NLRP2B: variants seen among roughly 807,000 people sequenced by gnomAD.
NLRP2B encodes the protein NLR family pyrin domain-containing protein 2B.
For missense variants in NLRP2B, 25 were observed against 6.8 expected (o/e 3.70, Z -3.00); for synonymous variants, 16 against 3.5 (o/e 4.63, Z -4.03).
At position 57,677,122 on chromosome X, in the gene NLRP2B, C is replaced by A; in HGVS notation, c.*3001G>T. 2 of 288,789 alleles carry A rather than the reference C, an allele frequency of 6.9e-6. No individual in the cohort carries two copies. Among genetic ancestry groups the A allele is most frequent in the Non-Finnish European group, 1.3e-5 (2 of 151,754 alleles). 23.8% of individuals were successfully genotyped at this position (288,789 alleles called of 1,213,427 possible). ...TTCCCCCCCAAAGGATCATGTTTCT[C>A]AGTTATCAGCAGGCAGTTGTGGGTT... On this transcript the variant is annotated 3_prime_UTR_variant, in exon 1 of 1. Transcript: ENST00000434992.
Position 57,679,485 on chromosome X carries a change from C to T in NLRP2B, c.*638G>A. 1 of 918,029 alleles carries T rather than the reference C, an allele frequency of 1.1e-6. No homozygotes were observed. Among genetic ancestry groups the T allele is most frequent in the East Asian group, 3.1e-5 (1 of 32,112 alleles). 75.7% of individuals were successfully genotyped at this position (918,029 alleles called of 1,213,427 possible). ...ATTCAGGCCAGTTCCTGAAGACCAG[C>T]TCTGCAAAACTGCACGGGCCCAGGC... On this transcript the variant is annotated 3_prime_UTR_variant, in exon 1 of 1. Coordinates refer to ENST00000434992, the MANE Select transcript of NLRP2B (RefSeq NM_001319967.1).
Position 57,677,718 on chromosome X carries a change from T to G in NLRP2B, c.*2405A>C. The G allele has an allele frequency of 2.6e-6, 1 of 381,474 alleles. No homozygotes were observed. The highest frequency in any genetic ancestry group is 5.0e-6 in the Non-Finnish European group (1 of 199,156). The allele number at this position is 381,474 out of a possible 1,213,427, so 31.4% of individuals were successfully genotyped here. A position where few individuals can be genotyped will look rare whatever the true frequency, so the allele number is the denominator to read the frequency against. The stretch of plus-strand genomic sequence containing the variant: ...AATTGCCTTCTATAAAGTGACAGTT[T>G]TCCAACAACAACCTCGGCAGGAAGC... On this transcript the variant is annotated 3_prime_UTR_variant, in exon 1 of 1. Transcript: ENST00000434992.
At position 57,678,148 on chromosome X, in the gene NLRP2B, T is replaced by C; in HGVS notation, c.*1975A>G. ...GGCACCAAGAAAGCTATTATTGATT[T>C]CTAGAATGATCAGATCCTTATTTGA... On this transcript the variant is annotated 3_prime_UTR_variant, in exon 1 of 1. Transcript: ENST00000434992. 2.1e-6 allele frequency: 1 copy of C among 487,353 alleles called. No homozygotes were observed. The highest frequency in any genetic ancestry group is 2.7e-5 in the Admixed American group (1 of 37,229). The allele number at this position is 487,353 out of a possible 1,213,427, so 40.2% of individuals were successfully genotyped here.
Position 57,678,141 on chromosome X carries a change from A to G in NLRP2B, c.*1982T>C. On this transcript the variant is annotated 3_prime_UTR_variant, in exon 1 of 1. Coordinates refer to ENST00000434992, the MANE Select transcript of NLRP2B (RefSeq NM_001319967.1). ...CTAATGTGGCACCAAGAAAGCTATTATTGATTTCTAGAATGATCAGATCCT... is the reference window on the plus strand; with the variant it reads ...CTAATGTGGCACCAAGAAAGCTATTGTTGATTTCTAGAATGATCAGATCCT... 2.1e-6 allele frequency: 1 copy of G among 480,794 alleles called. No individual in the cohort carries two copies. The highest frequency in any genetic ancestry group is 2.8e-5 in the South Asian group (1 of 35,227). 39.6% of individuals were successfully genotyped at this position (480,794 alleles called of 1,213,427 possible).
rs2011759104 is a variant in NLRP2B at position 57,680,103 on chromosome X, T to A, written c.*20A>T. The A allele has an allele frequency of 6.6e-6, 3 of 457,420 alleles. No homozygotes were observed. Among genetic ancestry groups the A allele is most frequent in the Non-Finnish European group, 1.2e-5 (3 of 254,480 alleles). The allele number at this position is 457,420 out of a possible 1,213,427, so 37.7% of individuals were successfully genotyped here. A position where few individuals can be genotyped will look rare whatever the true frequency, so the allele number is the denominator to read the frequency against. ...GCTGGTGATGATTTCTGCCAGTTGC[T>A]TCCCATCAGCCTTGTCTACCTATGT... On this transcript the variant is annotated 3_prime_UTR_variant, in exon 1 of 1. Coordinates refer to ENST00000434992, the MANE Select transcript of NLRP2B (RefSeq NM_001319967.1).
At position 57,679,781 on chromosome X, in the gene NLRP2B, T is replaced by A; in HGVS notation, c.*342A>T. 3.0e-6 allele frequency: 1 copy of A among 331,803 alleles called. No homozygotes were observed. Among genetic ancestry groups the A allele is most frequent in the East Asian group, 4.7e-5 (1 of 21,355 alleles). The allele number at this position is 331,803 out of a possible 1,213,427, so 27.3% of individuals were successfully genotyped here. ...TGCCAGAACTTCGTCTTCAATATAC[T>A]CCTGTACCTATCCTCTTTACCTGGC... On this transcript the variant is annotated 3_prime_UTR_variant, in exon 1 of 1. Transcript: ENST00000434992.
At position 57,678,292 on chromosome X, in the gene NLRP2B, G is replaced by A; in HGVS notation, c.*1831C>T. 1.9e-6 allele frequency: 1 copy of A among 540,540 alleles called. No homozygotes were observed. The highest frequency in any genetic ancestry group is 3.4e-6 in the Non-Finnish European group (1 of 292,534). 44.5% of individuals were successfully genotyped at this position (540,540 alleles called of 1,213,427 possible). A position where few individuals can be genotyped will look rare whatever the true frequency, so the allele number is the denominator to read the frequency against. On this transcript the variant is annotated 3_prime_UTR_variant, in exon 1 of 1. Transcript: ENST00000434992. ...ATTCTCTGGGAGCTTTGCCTTTGCT[G>A]CCTGCAGTGGCATTTTCTGCAAGTT...
At position 57,677,611 on chromosome X, in the gene NLRP2B, G is replaced by A; in HGVS notation, c.*2512C>T. On this transcript the variant is annotated 3_prime_UTR_variant, in exon 1 of 1. Coordinates refer to ENST00000434992, the MANE Select transcript of NLRP2B (RefSeq NM_001319967.1). ...ACCCTTACACAGAAACATCACCCAT[G>A]TATCCCCGAGTGGGGGGTTCTTGGC... 3.3e-6 allele frequency: 1 copy of A among 302,464 alleles called. No homozygotes were observed. Among genetic ancestry groups the A allele is most frequent in the South Asian group, 3.8e-5 (1 of 26,416 alleles). 24.9% of individuals were successfully genotyped at this position (302,464 alleles called of 1,213,427 possible).
Position 57,678,591 on chromosome X carries a change from G to A in NLRP2B, c.*1532C>T, listed in dbSNP as rs181020360. On this transcript the variant is annotated 3_prime_UTR_variant, in exon 1 of 1. Coordinates refer to ENST00000434992, the MANE Select transcript of NLRP2B (RefSeq NM_001319967.1). ...TGGCTTTCTTCTCGTTGGCGAAGCC[G>A]AATAAGAAGTGTCTTGCTTGGATCA... 1.6e-4 allele frequency: 77 copies of A among 480,573 alleles called. No homozygotes were observed. The highest frequency in any genetic ancestry group is 3.7e-4 in the East Asian group (10 of 26,892). The allele number at this position is 480,573 out of a possible 1,213,427, so 39.6% of individuals were successfully genotyped here. A position where few individuals can be genotyped will look rare whatever the true frequency, so the allele number is the denominator to read the frequency against.
In NLRP2B at chrX:57,677,798, C is replaced by T; in HGVS notation, c.*2325G>A. 1 of 445,956 alleles carries T rather than the reference C, an allele frequency of 2.2e-6. No individual in the cohort carries two copies. Among genetic ancestry groups the T allele is most frequent in the South Asian group, 2.5e-5 (1 of 40,318 alleles). 36.8% of individuals were successfully genotyped at this position (445,956 alleles called of 1,213,427 possible). A position where few individuals can be genotyped will look rare whatever the true frequency, so the allele number is the denominator to read the frequency against. ...AACTTGGCACCCTCATCCAAGAGCTCATTGTGAGAGAGGTTTACACATGTC... is the reference window on the plus strand; with the variant it reads ...AACTTGGCACCCTCATCCAAGAGCTTATTGTGAGAGAGGTTTACACATGTC... On this transcript the variant is annotated 3_prime_UTR_variant, in exon 1 of 1. Coordinates refer to ENST00000434992, the MANE Select transcript of NLRP2B (RefSeq NM_001319967.1).
rs896838520 is a variant in NLRP2B at position 57,677,571 on chromosome X, A to T, written c.*2552T>A. On this transcript the variant is annotated 3_prime_UTR_variant, in exon 1 of 1. Coordinates refer to ENST00000434992, the MANE Select transcript of NLRP2B (RefSeq NM_001319967.1). ...ACAGCACCAGGGTCTGTAGTTTACA[A>T]TGGGGGTAACTCAAACCCTTACACA... 4 of 305,035 alleles carry T rather than the reference A, an allele frequency of 1.3e-5. No individual in the cohort carries two copies. Among genetic ancestry groups the T allele is most frequent in the Admixed American group, 8.2e-5 (2 of 24,476 alleles). The allele number at this position is 305,035 out of a possible 1,213,427, so 25.1% of individuals were successfully genotyped here.
chrX:57,677,586 A>G lies in NLRP2B; in HGVS notation c.*2537T>C, dbSNP rs1448931401. 2 of 294,459 alleles carry G rather than the reference A, an allele frequency of 6.8e-6. No individual in the cohort carries two copies. Among genetic ancestry groups the G allele is most frequent in the Middle Eastern group, 5.7e-4 (1 of 1,765 alleles). The allele number at this position is 294,459 out of a possible 1,213,427, so 24.3% of individuals were successfully genotyped here. A position where few individuals can be genotyped will look rare whatever the true frequency, so the allele number is the denominator to read the frequency against. On this transcript the variant is annotated 3_prime_UTR_variant, in exon 1 of 1. Coordinates refer to ENST00000434992, the MANE Select transcript of NLRP2B (RefSeq NM_001319967.1). ...GTAGTTTACAATGGGGGTAACTCAA[A>G]CCCTTACACAGAAACATCACCCATG...
rs1007264495 is a variant in NLRP2B, at chrX:57,679,265, C to A, written c.*858G>T. 4.3e-6 allele frequency: 2 copies of A among 463,394 alleles called. No homozygotes were observed. 38.2% of individuals were successfully genotyped at this position (463,394 alleles called of 1,213,427 possible). ...TCAGGGCCCGCAGGCCACGTGGTGA[C>A]CAGCACGGCGGCCCTGGGTAAAATC... On this transcript the variant is annotated 3_prime_UTR_variant, in exon 1 of 1. Coordinates refer to ENST00000434992, the MANE Select transcript of NLRP2B (RefSeq NM_001319967.1).
rs986460612 is a variant in NLRP2B, at chrX:57,679,117, C to T, written c.*1006G>A. ...AGGGCCGCGTTTCTTCTCATCAGCT[C>T]AAAGGCACACATGGCTTGGTCCTCG... is the stretch of plus-strand genomic sequence containing the variant. On this transcript the variant is annotated 3_prime_UTR_variant, in exon 1 of 1. Transcript: ENST00000434992. The T allele has an allele frequency of 3.7e-5, 17 of 460,785 alleles. No homozygotes were observed. Among genetic ancestry groups the T allele is most frequent in the Admixed American group, 3.1e-4 (12 of 38,747 alleles). The allele number at this position is 460,785 out of a possible 1,213,427, so 38.0% of individuals were successfully genotyped here. A position where few individuals can be genotyped will look rare whatever the true frequency, so the allele number is the denominator to read the frequency against.
Position 57,680,098 on chromosome X carries a change from G to C in NLRP2B, c.*25C>G, listed in dbSNP as rs943727704. ...CAATGGCTGGTGATGATTTCTGCCA[G>C]TTGCTTCCCATCAGCCTTGTCTACC... On this transcript the variant is annotated 3_prime_UTR_variant, in exon 1 of 1. Transcript: ENST00000434992. 1.3e-5 allele frequency: 6 copies of C among 448,296 alleles called. No homozygotes were observed. The highest frequency in any genetic ancestry group is 7.1e-4 in the Middle Eastern group (2 of 2,805). 36.9% of individuals were successfully genotyped at this position (448,296 alleles called of 1,213,427 possible). A position where few individuals can be genotyped will look rare whatever the true frequency, so the allele number is the denominator to read the frequency against.
chrX:57,679,407 C>A lies in NLRP2B; in HGVS notation c.*716G>T. ...CTCCCAGCTCATCAAAGCCGTCGAC[C>A]ACGAACAGGATTTTCTGTGCTTGGG... On this transcript the variant is annotated 3_prime_UTR_variant, in exon 1 of 1. Coordinates refer to ENST00000434992, the MANE Select transcript of NLRP2B (RefSeq NM_001319967.1). 2.2e-6 allele frequency: 2 copies of A among 909,896 alleles called. No homozygotes were observed. Among genetic ancestry groups the A allele is most frequent in the Non-Finnish European group, 3.2e-6 (2 of 625,043 alleles). 75.0% of individuals were successfully genotyped at this position (909,896 alleles called of 1,213,427 possible). A position where few individuals can be genotyped will look rare whatever the true frequency, so the allele number is the denominator to read the frequency against.
Position 57,680,187 on chromosome X carries a change from T to A in NLRP2B, c.74A>T (p.Lys25Met), listed in dbSNP as rs1305563172. Residue 25 changes from lysine (K) to methionine (M), a missense_variant, in exon 1 of 1, where the codon AAG becomes ATG. Lys to Met is a moderately conservative substitution (Grantham distance 95). Coordinates refer to ENST00000434992, the MANE Select transcript of NLRP2B (RefSeq NM_001319967.1). ...LGQLSQDDLC[K>M]FKSLIRTVSL... Reference sequence around the variant, plus strand: ...GACGGTCCTGATCAGAGACTTGAACTTGCACAAGTCATCCTGGCTGAGCTG... The same window carrying A: ...GACGGTCCTGATCAGAGACTTGAACATGCACAAGTCATCCTGGCTGAGCTG... 1.3e-5 allele frequency: 5 copies of A among 392,899 alleles called. No individual in the cohort carries two copies. In the African/African-American group the frequency reaches 1.3e-4, roughly 10 times the overall value. 32.4% of individuals were successfully genotyped at this position (392,899 alleles called of 1,213,427 possible).
Position 57,679,554 on chromosome X carries a change from C to G in NLRP2B, c.*569G>C. On this transcript the variant is annotated 3_prime_UTR_variant, in exon 1 of 1. Transcript: ENST00000434992. The stretch of plus-strand genomic sequence containing the variant: ...TGAGGTAGAAAGCCTATCTAAATTT[C>G]TGGCTGAGGTTGTCCTCTGCCCAGT... 1 of 595,498 alleles carries G rather than the reference C, an allele frequency of 1.7e-6. No homozygotes were observed. Among genetic ancestry groups the G allele is most frequent in the South Asian group, 2.6e-5 (1 of 38,747 alleles). 49.1% of individuals were successfully genotyped at this position (595,498 alleles called of 1,213,427 possible).
In NLRP2B at chrX:57,679,433, C is replaced by T. The variant is rs1174855523; in HGVS notation, c.*690G>A. On this transcript the variant is annotated 3_prime_UTR_variant, in exon 1 of 1. Coordinates refer to ENST00000434992, the MANE Select transcript of NLRP2B (RefSeq NM_001319967.1). Reference sequence around the variant, plus strand: ...ACGAACAGGATTTTCTGTGCTTGGGCTAGGATGTTTGGAATGTCATCCTGC... The same window carrying T: ...ACGAACAGGATTTTCTGTGCTTGGGTTAGGATGTTTGGAATGTCATCCTGC... The T allele has an allele frequency of 1.0e-6, 1 of 995,665 alleles. No individual in the cohort carries two copies. The highest frequency in any genetic ancestry group is 1.9e-5 in the South Asian group (1 of 52,516). 82.1% of individuals were successfully genotyped at this position (995,665 alleles called of 1,213,427 possible).
Sources: allele counts gnomAD v4.1 joint callset, GRCh38; gene constraint gnomAD v4.1.1; transcripts MANE v1.5; gene names NCBI Gene and HGNC (gene_info 2026-07-23, HGNC 2026-07-21).